DNM3: variants seen among roughly 807,000 people sequenced by gnomAD.
DNM3 encodes the protein dynamin 3.
Under a neutral mutation model 101.6 loss-of-function variants are expected in DNM3, and 47 were observed. The observed-to-expected ratio is 0.46, with a 90% confidence interval of 0.37 to 0.59. The LOEUF is 0.59. Ranked by LOEUF, DNM3 falls within the 20% of genes least tolerant of loss-of-function variation. DNM3 has a pLI of 0.00. For missense variants in DNM3, 849 were observed against 1,085.7 expected, an observed-to-expected ratio of 0.78 and a Z score of 3.06; for synonymous variants, 385 against 387.9, an observed-to-expected ratio of 0.99 and a Z score of 0.09.
At chr1:172,064,471 T>C (rs1340191591) in intron 10 of DNM3, among the ~76,000 whole-genome samples, 2 of 151,948 alleles carry the variant, frequency 1.3e-5, no homozygotes, top group East Asian at 3.9e-4. Flanking sequence ...TAAAGCTAAG[T>C]AAAGGGTGAC....
chr1:172,269,235 T>C (rs1461274411), intron 15 of DNM3, among the ~76,000 whole-genome samples: 1 of 152,222 alleles, frequency 6.6e-6, no homozygotes, highest in African/African-American at 2.4e-5. Flanking sequence ...AAAGAAATTA[T>C]GTCCTTCACA....
intron 14 of DNM3, among the ~76,000 whole-genome samples, chr1:172,211,555 A>G (rs2148522766): frequency 6.6e-6 from 1 of 152,272 alleles, no homozygotes; most frequent in South Asian, 2.1e-4. Flanking sequence ...TCAAAATAGC[A>G]AGCAGCTAGA....
At chr1:172,416,712 T>A (rs915582193), downstream of DNM3, among the ~76,000 whole-genome samples, 25 of 152,160 alleles carry the variant, frequency 1.6e-4, no homozygotes, top group African/African-American at 5.3e-4. Context: ...CCTTCAGAAC[T>A]CGAAAATAGT....
chr1:171,957,878 C>T lies in DNM3; in HGVS notation c.236-29778C>T, dbSNP rs576114944. On this transcript the variant is annotated intron_variant, in intron 2 of 20. Coordinates refer to ENST00000627582, the MANE Select transcript of DNM3 (RefSeq NM_015569.5). ...CCCACATTTTCCTGTCTTCTGAGCC[C>T]TCCAAACTGTTCTAACCTCTGCCTG... Among the ~76,000 whole-genome samples, 210 of 152,274 alleles carry T rather than the reference C, an allele frequency of 1.4e-3. 1 individual carries two copies. The highest frequency in any genetic ancestry group is 4.9e-3 in the African/African-American group (203 of 41,560).
In DNM3 at chr1:172,018,795, T is replaced by G. The variant is rs111571822; in HGVS notation, c.590-13607T>G. 2.6e-3 allele frequency among the ~76,000 whole-genome samples: 403 copies of G among 152,358 alleles called. 2 individuals carry two copies. Among genetic ancestry groups the G allele is most frequent in the African/African-American group, 8.8e-3 (368 of 41,588 alleles). ...ATTGTTACCTTACTTATTCCTTCTCTGATTCTCTTGCTTTCTTTATGTAGA... is the reference window on the plus strand; with the variant it reads ...ATTGTTACCTTACTTATTCCTTCTCGGATTCTCTTGCTTTCTTTATGTAGA... On this transcript the variant is annotated intron_variant, in intron 4 of 20. Coordinates refer to ENST00000627582, the MANE Select transcript of DNM3 (RefSeq NM_015569.5).
chr1:172,297,868 T>C (rs1263694932), intron 15 of DNM3, among the ~76,000 whole-genome samples: 1 of 152,104 alleles, frequency 6.6e-6, no homozygotes, highest in Non-Finnish European at 1.5e-5. Flanking sequence ...AGGGAAAGCT[T>C]CTTTTTAAAA....
intron 16 of DNM3, among the ~76,000 whole-genome samples, chr1:172,314,248 G>A (rs963592336): frequency 2.0e-5 from 3 of 152,194 alleles, no homozygotes; most frequent in Admixed American, 6.5e-5. Flanking sequence ...TGTGGCACAG[G>A]GGGAGGAGCC....
At chr1:172,349,963 A>G (rs2067123271) in intron 17 of DNM3, among the ~76,000 whole-genome samples, 1 of 152,214 alleles carries the variant, frequency 6.6e-6, no homozygotes, top group Admixed American at 6.5e-5. Flanking sequence ...CTAAGGCCAG[A>G]AGAAGCAGAA....
At chr1:172,358,447 A>G (rs1442986677) in intron 17 of DNM3, among the ~76,000 whole-genome samples, 1 of 152,168 alleles carries the variant, frequency 6.6e-6, no homozygotes, top group Non-Finnish European at 1.5e-5. Flanking sequence ...CAGCTAACTC[A>G]GAGATGAGCT....
chr1:172,134,287 T>C (rs967405177), intron 14 of DNM3, among the ~76,000 whole-genome samples: 5 of 152,136 alleles, frequency 3.3e-5, no homozygotes, highest in Non-Finnish European at 4.4e-5. Context: ...ATTAAGATCA[T>C]CATTGAGACT....
At chr1:171,891,904 A>C (rs1032757258) in intron 1 of DNM3, among the ~76,000 whole-genome samples, 3 of 152,172 alleles carry the variant, frequency 2.0e-5, no homozygotes, top group African/African-American at 7.2e-5. Flanking sequence ...ACCCACACTT[A>C]AGGAGTGGGG....
At chr1:172,192,288 G>A (rs2059757401) in intron 14 of DNM3, among the ~76,000 whole-genome samples, 3 of 151,666 alleles carry the variant, frequency 2.0e-5, no homozygotes, top group Non-Finnish European at 2.9e-5. Context: ...TTTATATGAT[G>A]GATTACATTT....
At chr1:172,415,038 C>T (rs1042658621), downstream of DNM3, among the ~76,000 whole-genome samples, 3 of 152,138 alleles carry the variant, frequency 2.0e-5, no homozygotes, top group African/African-American at 4.8e-5. Flanking sequence ...GAACTGTGAT[C>T]GTGCCACTGC....
intron 18 of DNM3, among the ~76,000 whole-genome samples, chr1:172,379,632 A>G (rs1558065346): frequency 6.6e-6 from 1 of 152,010 alleles, no homozygotes; most frequent in African/African-American, 2.4e-5. Context: ...AGCTTCTAAA[A>G]TCTATGGAAT....
chr1:172,382,032 AG>A (rs1351525503), intron 18 of DNM3, among the ~76,000 whole-genome samples: 13 of 152,276 alleles, frequency 8.5e-5, no homozygotes, highest in African/African-American at 3.1e-4. Context: ...TTCCTTTGAA[AG>A]TTTACATTAA....
chr1:171,861,105 A>G (rs1307778478), intron 1 of DNM3, among the ~76,000 whole-genome samples: 1 of 152,142 alleles, frequency 6.6e-6, no homozygotes, highest in African/African-American at 2.4e-5. Flanking sequence ...AAAGAAGACC[A>G]ACTAAAATGG....
At chr1:172,101,443 A>G (rs922265649) in intron 13 of DNM3, among the ~76,000 whole-genome samples, 11 of 152,196 alleles carry the variant, frequency 7.2e-5, no homozygotes, top group Non-Finnish European at 1.6e-4. Context: ...TGAGCAAATT[A>G]ATTAAACCTT....
In DNM3 at chr1:172,320,053, TA is replaced by T. The variant is rs531907053; in HGVS notation, c.1882-3270del. The stretch of plus-strand genomic sequence containing the variant: ...TACACCATGGAATACTACGCAGCCA[TA>T]AAAAATGATGAGTTCATGTCCTTTG... On this transcript the variant is annotated intron_variant, in intron 16 of 20. Coordinates refer to ENST00000627582, the MANE Select transcript of DNM3 (RefSeq NM_015569.5). 6.9e-3 allele frequency among the ~76,000 whole-genome samples: 1,042 copies of T among 151,604 alleles called. 9 individuals carry two copies. Among genetic ancestry groups the T allele is most frequent in the African/African-American group, 0.024 (986 of 41,200 alleles).
intron 14 of DNM3, among the ~76,000 whole-genome samples, chr1:172,163,699 A>C (rs1054374716): frequency 2.6e-5 from 4 of 151,964 alleles, no homozygotes; most frequent in African/African-American, 9.7e-5. Context: ...TATGAGTTCA[A>C]CTATTTTAGA....
Sources: gnomAD v4.1 joint callset for allele counts (sites outside exome capture counted in the v4.1 genomes callset) on GRCh38, gnomAD v4.1.1 for gene constraint, MANE v1.5 for transcripts, NCBI Gene and HGNC (gene_info 2026-07-23, HGNC 2026-07-21) for gene names.